Variants in MZT2B observed in about 807,000 individuals in gnomAD.
MZT2B encodes mitotic spindle organizing protein 2B.
A neutral mutation model predicts 12.1 loss-of-function variants in MZT2B; 11 were observed. The ratio of observed to expected loss-of-function variants is 0.91; its 90% confidence interval spans 0.57 to 1.50. The LOEUF is 1.50. MZT2B is among the 40% of genes most tolerant of loss of function. The pLI, the probability that MZT2B is intolerant of heterozygous loss-of-function variation, is 0.00. For missense variants in MZT2B, 209 were observed against 227.7 expected (o/e 0.92, Z 0.53); for synonymous variants, 85 against 109.5 (o/e 0.78, Z 1.40).
intron 2 of MZT2B, among the ~76,000 whole-genome samples, chr2:130,189,528 C>T (rs1324279233): frequency 6.6e-6 from 1 of 152,134 alleles, no homozygotes. Flanking sequence ...CTGTTTAGAG[C>T]CCACAGGCCA....
chr2:130,185,917 A>G (rs1246721897), intron 2 of MZT2B, among the ~76,000 whole-genome samples: 1 of 152,128 alleles, frequency 6.6e-6, no homozygotes, highest in Non-Finnish European at 1.5e-5. Flanking sequence ...GCAGAAAGCC[A>G]GGACATGAGG....
At chr2:130,193,675 GC>G (rs2104749461), downstream of MZT2B, 1 of 1,355,024 alleles carries the variant, frequency 7.4e-7, no homozygotes, top group Non-Finnish European at 1.0e-6. Context: ...ATGCCCACAT[GC>G]CTAGCCCATG....
intron 2 of MZT2B, among the ~76,000 whole-genome samples, chr2:130,190,213 G>C (rs578047010): frequency 1.9e-4 from 29 of 152,250 alleles, no homozygotes; most frequent in African/African-American, 6.7e-4. Flanking sequence ...TGTTCCCTTG[G>C]CAGTGTGCTC....
At chr2:130,201,850 A>G in the MZT2B span, among the ~76,000 whole-genome samples, 15 of 152,350 alleles carry the variant, frequency 9.8e-5, 1 homozygote, top group South Asian at 3.1e-3. Context: ...CCTTGGCTAC[A>G]GACCTGTACA....
intron 2 of MZT2B, chr2:130,183,710 G>A (rs569854129): frequency 1.9e-6 from 3 of 1,550,282 alleles, no homozygotes; most frequent in East Asian, 2.4e-5. Flanking sequence ...ACCCAAGAGG[G>A]CCCGGGCACC....
intron 2 of MZT2B, chr2:130,184,431 T>C (rs1689975336): frequency 1.0e-6 from 1 of 985,314 alleles, no homozygotes; most frequent in African/African-American, 1.7e-5. Flanking sequence ...GCTGGCCCCG[T>C]GGCCACACTC....
chr2:130,194,118 G>A (rs1690344062), downstream of MZT2B: 1 of 1,614,064 alleles, frequency 6.2e-7, no homozygotes, highest in African/African-American at 1.3e-5. Context: ...TCAAATCGCA[G>A]GGAGGCCGTG....
chr2:130,197,804 C>T, the MZT2B span, among the ~76,000 whole-genome samples: 1 of 124,130 alleles, frequency 8.1e-6, no homozygotes, highest in Admixed American at 9.0e-5. Context: ...GACTGGGTTT[C>T]GCCATGTTGG....
At chr2:130,184,584 C>T (rs1377778580) in intron 2 of MZT2B, 41 of 985,308 alleles carry the variant, frequency 4.2e-5, no homozygotes, top group Non-Finnish European at 4.9e-5. Context: ...TTCCTGACAG[C>T]GCCCACCTCA....
the MZT2B span, chr2:130,196,278 C>T: frequency 3.7e-6 from 6 of 1,613,944 alleles, no homozygotes; most frequent in Middle Eastern, 1.6e-4. Flanking sequence ...ATTTGACCAT[C>T]GGGCTGAATT....
downstream of MZT2B, chr2:130,195,087 G>T (rs150000338): frequency 2.5e-6 from 4 of 1,612,768 alleles, no homozygotes; most frequent in Non-Finnish European, 3.4e-6. Flanking sequence ...ACCAGTTTGC[G>T]GATCCGGTCC....
At chr2:130,188,530 A>G (rs924194503) in intron 2 of MZT2B, among the ~76,000 whole-genome samples, 5 of 152,274 alleles carry the variant, frequency 3.3e-5, no homozygotes, top group African/African-American at 1.2e-4. Context: ...GAGGTGGCCA[A>G]TCATCACCCA....
At chr2:130,191,827 C>A, downstream of MZT2B, 1 of 1,591,438 alleles carries the variant, frequency 6.3e-7, no homozygotes, top group Non-Finnish European at 8.5e-7. Flanking sequence ...ACCACACCCT[C>A]CCCTCAGTAT....
chr2:130,193,919 C>T (rs757041928), downstream of MZT2B: 6 of 1,614,192 alleles, frequency 3.7e-6, no homozygotes, highest in Admixed American at 3.3e-5. Flanking sequence ...CTTGCCATGG[C>T]GAGGGTCACA....
At chr2:130,186,991 A>T (rs982922521) in intron 2 of MZT2B, among the ~76,000 whole-genome samples, 2 of 125,166 alleles carry the variant, frequency 1.6e-5, no homozygotes, top group African/African-American at 5.9e-5. Flanking sequence ...CTGAGGCAGG[A>T]TCATCACTTG....
In MZT2B at chr2:130,182,341, C is replaced by T. The variant is rs1294945187; in HGVS notation, c.59C>T (p.Ala20Val). The T allele has an allele frequency of 3.3e-6, 5 of 1,530,244 alleles. No individual in the cohort carries two copies. Among genetic ancestry groups the T allele is most frequent in the African/African-American group, 2.8e-5 (2 of 71,608 alleles). 94.8% of individuals were successfully genotyped at this position (1,530,244 alleles called of 1,614,324 possible). ...TCGGCGGCGCCCCCGGGGCTGGAGGCGGCCCGGCAGAAGCTGGCGCTGCGG... is the reference window on the plus strand; with the variant it reads ...TCGGCGGCGCCCCCGGGGCTGGAGGTGGCCCGGCAGAAGCTGGCGCTGCGG... ...PGSAAPPGLE[A>V]ARQKLALRRK... Residue 20 changes from alanine (A) to valine (V), a missense_variant, in exon 1 of 3, where the codon GCG becomes GTG. Physicochemically the swap from Ala to Val is moderately conservative, Grantham distance 64. Coordinates refer to ENST00000281871, the MANE Select transcript of MZT2B (RefSeq NM_025029.5).
At chr2:130,191,228 G>A (rs868071159), downstream of MZT2B, among the ~76,000 whole-genome samples, 10 of 152,340 alleles carry the variant, frequency 6.6e-5, no homozygotes, top group South Asian at 2.1e-3. Flanking sequence ...CTGAGGGACA[G>A]GGTGGCTGTG....
chr2:130,199,986 C>T, the MZT2B span, among the ~76,000 whole-genome samples: 8 of 152,056 alleles, frequency 5.3e-5, no homozygotes, highest in South Asian at 1.7e-3. Context: ...GTCCCAGCTA[C>T]TTGGGAGGCT....
At chr2:130,197,331 T>G in the MZT2B span, among the ~76,000 whole-genome samples, 1 of 145,008 alleles carries the variant, frequency 6.9e-6, no homozygotes, top group Non-Finnish European at 1.5e-5. Context: ...TATGAAAAAT[T>G]TACAAATTAG....
Sources: allele counts gnomAD v4.1 joint callset (sites outside exome capture counted in the v4.1 genomes callset), GRCh38; gene constraint gnomAD v4.1.1; transcripts MANE v1.5; gene names NCBI Gene and HGNC (gene_info 2026-07-23, HGNC 2026-07-21).